The following RAB8B variants were observed in gnomAD, a reference collection of about 807,000 sequenced individuals.
The protein encoded by RAB8B is RAB8B, member RAS oncogene family.
Under a neutral mutation model 32.0 loss-of-function variants are expected in RAB8B, and 11 were observed. That is an observed-to-expected ratio of 0.34 (90% CI 0.22 to 0.57). The LOEUF is 0.57. Among genes scored for constraint, RAB8B ranks in the 20% least tolerant of loss-of-function variants. RAB8B has a pLI of 0.86. For missense variants in RAB8B, 190 were observed against 258.5 expected (o/e 0.73, Z 1.82); for synonymous variants, 103 against 89.6 (o/e 1.15, Z -0.85).
chr15:63,249,595 T>G, intron 2 of RAB8B, 50 bp from the exon 3 acceptor site: 2 of 1,548,646 alleles, frequency 1.3e-6, no homozygotes, highest in Non-Finnish European at 1.8e-6. Flanking sequence ...TTCTCCTCAG[T>G]GATGCTGGTG....
chr15:63,246,096 C>A (rs1440593380), intron 2 of RAB8B, among the ~76,000 whole-genome samples: 1 of 152,192 alleles, frequency 6.6e-6, no homozygotes, highest in Non-Finnish European at 1.5e-5. Flanking sequence ...TGGTCTTGAA[C>A]TCCTGACCTC....
At chr15:63,238,128 T>C (rs1336158140) in intron 1 of RAB8B, among the ~76,000 whole-genome samples, 2 of 152,140 alleles carry the variant, frequency 1.3e-5, no homozygotes, top group Non-Finnish European at 2.9e-5. Flanking sequence ...GCCATTTTGG[T>C]TACCATAGCT....
At chr15:63,194,435 C>G (rs778856439) in intron 1 of RAB8B, among the ~76,000 whole-genome samples, 2 of 152,116 alleles carry the variant, frequency 1.3e-5, no homozygotes, top group South Asian at 2.1e-4. Flanking sequence ...TTTGATTAGC[C>G]GAGTCTGTTC....
intron 1 of RAB8B, among the ~76,000 whole-genome samples, chr15:63,224,340 G>C (rs1198606118): frequency 3.9e-5 from 6 of 152,152 alleles, no homozygotes; most frequent in Non-Finnish European, 5.9e-5. Flanking sequence ...TTTGACCACT[G>C]ATAATACCCC....
chr15:63,219,873 T>C (rs1008988404), intron 1 of RAB8B, among the ~76,000 whole-genome samples: 21 of 152,196 alleles, frequency 1.4e-4, no homozygotes, highest in Non-Finnish European at 2.9e-4. Flanking sequence ...AATGAGTCTA[T>C]TATCTCTCTT....
intron 2 of RAB8B, among the ~76,000 whole-genome samples, chr15:63,249,130 C>T (rs1178952791): frequency 6.6e-6 from 1 of 152,138 alleles, no homozygotes; most frequent in Non-Finnish European, 1.5e-5. Context: ...ATCATGGGCT[C>T]CATAGCTGAA....
In RAB8B at chr15:63,266,313, C is replaced by G. The variant is rs1025416860; in HGVS notation, c.*2694C>G. 3 of 152,500 alleles carry G rather than the reference C, an allele frequency of 2.0e-5. No homozygotes were observed. Among genetic ancestry groups the G allele is most frequent in the African/African-American group, 7.2e-5 (3 of 41,414 alleles). 9.4% of individuals were successfully genotyped at this position (152,500 alleles called of 1,614,324 possible). A position where few individuals can be genotyped will look rare whatever the true frequency, so the allele number is the denominator to read the frequency against. ...ATCAGACAGTGAAAATGTGCTGTAA[C>G]TAAGTAGCATGTAAATCAGTTGATT... is the stretch of plus-strand genomic sequence containing the variant. On this transcript the variant is annotated 3_prime_UTR_variant, in exon 8 of 8. Transcript: ENST00000321437.
intron 1 of RAB8B, among the ~76,000 whole-genome samples, chr15:63,236,243 A>G (rs374849985): frequency 3.9e-5 from 6 of 152,320 alleles, no homozygotes; most frequent in East Asian, 1.9e-4. Context: ...AAAATCTGTT[A>G]GAGAGAGTTT....
intron 6 of RAB8B, among the ~76,000 whole-genome samples, chr15:63,260,661 G>T (rs560040907): frequency 6.6e-6 from 1 of 151,406 alleles, no homozygotes; most frequent in African/African-American, 2.4e-5. Context: ...TTCTATACAT[G>T]TATCCCAGAA....
chr15:63,226,203 A>G (rs999934598), intron 1 of RAB8B, among the ~76,000 whole-genome samples: 2 of 152,196 alleles, frequency 1.3e-5, no homozygotes, highest in Non-Finnish European at 2.9e-5. Flanking sequence ...GATTTTCGCT[A>G]AATTTGCCTT....
chr15:63,215,884 A>T (rs1311924392), intron 1 of RAB8B, among the ~76,000 whole-genome samples: 3 of 152,026 alleles, frequency 2.0e-5, no homozygotes, highest in African/African-American at 4.8e-5. Flanking sequence ...AAAAAATTTT[A>T]AAAATTAGCC....
chr15:63,212,011 T>G (rs1252353306), intron 1 of RAB8B, among the ~76,000 whole-genome samples: 1 of 152,090 alleles, frequency 6.6e-6, no homozygotes, highest in African/African-American at 2.4e-5. Context: ...TTATTTAATT[T>G]TTTAAGAGAG....
intron 1 of RAB8B, among the ~76,000 whole-genome samples, chr15:63,211,509 C>T (rs2037746226): frequency 6.6e-6 from 1 of 152,186 alleles, no homozygotes; most frequent in African/African-American, 2.4e-5. Flanking sequence ...TTACGCAAGA[C>T]TTTAGAGAGA....
intron 1 of RAB8B, among the ~76,000 whole-genome samples, chr15:63,193,384 T>C (rs560107808): frequency 6.6e-6 from 1 of 152,348 alleles, no homozygotes; most frequent in East Asian, 1.9e-4. Flanking sequence ...AATAGTTTAG[T>C]TAACTGTGAG....
Position 63,265,473 on chromosome 15 carries a change from A to G in RAB8B, c.*1854A>G, listed in dbSNP as rs1010895454. The stretch of plus-strand genomic sequence containing the variant: ...GTGATTGAAAGTTTATTGTAATTCT[A>G]CTATCTTCAAATTAGATACATTTTC... On this transcript the variant is annotated 3_prime_UTR_variant, in exon 8 of 8. Coordinates refer to ENST00000321437, the MANE Select transcript of RAB8B (RefSeq NM_016530.3). The surrounding 1 kb of genome is among the most constrained non-coding windows in gnomAD (Gnocchi z 4.9). The G allele has an allele frequency of 4.6e-5, 7 of 152,060 alleles. No homozygotes were observed. The highest frequency in any genetic ancestry group is 7.4e-5 in the Non-Finnish European group (5 of 67,964). 9.4% of individuals were successfully genotyped at this position (152,060 alleles called of 1,614,324 possible).
intron 1 of RAB8B, among the ~76,000 whole-genome samples, chr15:63,190,401 A>T (rs1241154967): frequency 6.6e-6 from 1 of 152,100 alleles, no homozygotes; most frequent in African/African-American, 2.4e-5. Flanking sequence ...CAGAATGAGG[A>T]TACTTGATGG....
chr15:63,200,969 CG>C (rs2037643449), intron 1 of RAB8B, among the ~76,000 whole-genome samples: 1 of 152,000 alleles, frequency 6.6e-6, no homozygotes, highest in African/African-American at 2.4e-5. Flanking sequence ...AGTATATATT[CG>C]GCCCTTGATT....
chr15:63,208,245 G>C (rs2037715651), intron 1 of RAB8B, among the ~76,000 whole-genome samples: 1 of 152,130 alleles, frequency 6.6e-6, no homozygotes, highest in Non-Finnish European at 1.5e-5. Flanking sequence ...CAACATCTGT[G>C]CTGGGTGGAC....
rs543451992 is a variant in RAB8B, at chr15:63,250,068, G to C, written c.246+363G>C. ...GGAGAATGGCGTGAACCCAGGAAGAGGAGCTTGCAGTGAGCCGAGATTGCG... is the reference window on the plus strand; with the variant it reads ...GGAGAATGGCGTGAACCCAGGAAGACGAGCTTGCAGTGAGCCGAGATTGCG... On this transcript the variant is annotated intron_variant, in intron 3 of 7. Coordinates refer to ENST00000321437, the MANE Select transcript of RAB8B (RefSeq NM_016530.3). Among the ~76,000 whole-genome samples the C allele has an allele frequency of 1.7e-4, 26 of 152,338 alleles. No individual in the cohort carries two copies. The East Asian group carries it at 4.6e-3, about 27-fold the overall frequency.
Sources: allele counts gnomAD v4.1 joint callset (sites outside exome capture counted in the v4.1 genomes callset), GRCh38; gene constraint gnomAD v4.1.1; non-coding constraint Gnocchi (gnomAD v3.1); transcripts MANE v1.5; gene names NCBI Gene and HGNC (gene_info 2026-07-23, HGNC 2026-07-21).